The following CAMK2D variants were observed in gnomAD, a reference collection of about 807,000 sequenced individuals.
CAMK2D encodes calcium/calmodulin-dependent protein kinase type II subunit delta.
Under a neutral mutation model 84.0 loss-of-function variants are expected in CAMK2D, and 37 were observed. The ratio of observed to expected loss-of-function variants is 0.44; its 90% CI spans 0.34 to 0.58. CAMK2D has a LOEUF of 0.58. CAMK2D is among the 20% of genes least tolerant of loss of function. The probability of loss-of-function intolerance (pLI) is 0.02; values close to 1 mark genes in which losing one functional copy is unlikely to be tolerated. For missense variants in CAMK2D, 448 were observed against 652.5 expected, an observed-to-expected ratio of 0.69 and a Z score of 3.41; for synonymous variants, 202 against 212.5, an observed-to-expected ratio of 0.95 and a Z score of 0.43.
chr4:113,495,604 C>T (rs1051989362), intron 16 of CAMK2D, among the ~76,000 whole-genome samples: 1 of 152,138 alleles, frequency 6.6e-6, no homozygotes, highest in African/African-American at 2.4e-5. Context: ...CCACGATATC[C>T]AGGTCATCAA....
chr4:113,679,753 T>C (rs2099334736), intron 2 of CAMK2D, among the ~76,000 whole-genome samples: 1 of 152,214 alleles, frequency 6.6e-6, no homozygotes, highest in Non-Finnish European at 1.5e-5. Flanking sequence ...CAACTTACTT[T>C]ATCAGATCAA....
chr4:113,557,158 C>T (rs2098670589), intron 4 of CAMK2D, among the ~76,000 whole-genome samples: 4 of 152,166 alleles, frequency 2.6e-5, no homozygotes, highest in Admixed American at 2.6e-4. Flanking sequence ...TCTGCTATCT[C>T]TCACATGTAC....
chr4:113,509,514 C>G lies in CAMK2D; in HGVS notation c.984+124G>C, dbSNP rs76945655. The G allele has an allele frequency of 8.5e-3, 5,631 of 660,462 alleles. 37 individuals are homozygous for G. The highest frequency in any genetic ancestry group is 0.012 in the Middle Eastern group (30 of 2,402). The allele number at this position is 660,462 out of a possible 1,614,324, so 40.9% of individuals were successfully genotyped here. ...ATATTAAATCATTTCATATTTCAACCTGCAACCTTTATCAGAAACAATAAA... is the reference window on the plus strand; with the variant it reads ...ATATTAAATCATTTCATATTTCAACGTGCAACCTTTATCAGAAACAATAAA... On this transcript the variant is annotated intron_variant, in intron 13 of 20. Transcript: ENST00000511664.
At chr4:113,577,279 A>G (rs138766618) in intron 4 of CAMK2D, among the ~76,000 whole-genome samples, 4 of 152,230 alleles carry the variant, frequency 2.6e-5, no homozygotes, top group Non-Finnish European at 5.9e-5. Flanking sequence ...ATTTCCTGGA[A>G]TATGTTGTGT....
At chr4:113,559,009 ATTAAT>A (rs773292208) in intron 4 of CAMK2D, among the ~76,000 whole-genome samples, 7 of 152,138 alleles carry the variant, frequency 4.6e-5, no homozygotes, top group African/African-American at 7.2e-5. Flanking sequence ...AAAATCGAAT[ATTAAT>A]TTAAAGAGGT....
At chr4:113,728,002 T>G (rs2099551378) in intron 2 of CAMK2D, among the ~76,000 whole-genome samples, 1 of 152,138 alleles carries the variant, frequency 6.6e-6, no homozygotes, top group South Asian at 2.1e-4. Flanking sequence ...AAACAAAGAC[T>G]GACAATACCA....
intron 2 of CAMK2D, among the ~76,000 whole-genome samples, chr4:113,689,273 G>A (rs1048926969): frequency 6.6e-6 from 1 of 151,906 alleles, no homozygotes; most frequent in Non-Finnish European, 1.5e-5. Context: ...GGATAAATTA[G>A]AACAAAAAAG....
intron 16 of CAMK2D, among the ~76,000 whole-genome samples, chr4:113,500,191 T>A (rs975329449): frequency 2.6e-5 from 4 of 152,146 alleles, no homozygotes; most frequent in African/African-American, 9.7e-5. Flanking sequence ...AACTAGTAAC[T>A]CATTATTAGT....
chr4:113,655,054 C>T (rs1377211259), intron 3 of CAMK2D, among the ~76,000 whole-genome samples: 4 of 151,890 alleles, frequency 2.6e-5, no homozygotes, highest in Non-Finnish European at 4.4e-5. Flanking sequence ...TTAAATTAAT[C>T]GTCTTACAAA....
chr4:113,750,516 A>G (rs919752905), intron 2 of CAMK2D, among the ~76,000 whole-genome samples: 5 of 152,130 alleles, frequency 3.3e-5, no homozygotes, highest in African/African-American at 7.2e-5. Context: ...CACTAACTCT[A>G]CTAAATGCCA....
At chr4:113,512,502 G>A (rs1037888841) in intron 12 of CAMK2D, among the ~76,000 whole-genome samples, 6 of 152,160 alleles carry the variant, frequency 3.9e-5, no homozygotes, top group African/African-American at 1.4e-4. Flanking sequence ...CACTTTTATA[G>A]TACACCAAGA....
intron 16 of CAMK2D, among the ~76,000 whole-genome samples, chr4:113,469,046 A>G (rs2097513980): frequency 6.6e-6 from 1 of 152,198 alleles, no homozygotes; most frequent in Non-Finnish European, 1.5e-5. Flanking sequence ...TTTCCATGCA[A>G]TTATGCACAA....
intron 3 of CAMK2D, among the ~76,000 whole-genome samples, chr4:113,642,831 T>C (rs1410800296): frequency 1.3e-5 from 2 of 152,072 alleles, no homozygotes; most frequent in African/African-American, 2.4e-5. Flanking sequence ...AAGCCTCCCA[T>C]TAGGCCCCCT....
intron 3 of CAMK2D, among the ~76,000 whole-genome samples, chr4:113,640,173 T>C (rs764468222): frequency 1.1e-4 from 16 of 151,896 alleles, no homozygotes; most frequent in Non-Finnish European, 1.8e-4. Context: ...CAAGTTCCAT[T>C]TTATGCACAG....
intron 12 of CAMK2D, 129 bp downstream of exon 12, chr4:113,513,197 CCA>C: frequency 6.7e-7 from 1 of 1,500,412 alleles, no homozygotes; most frequent in Non-Finnish European, 8.9e-7. Context: ...GGAATCTGTG[CCA>C]CACATTTGCC....
chr4:113,652,045 T>A (rs2099175225), intron 3 of CAMK2D, among the ~76,000 whole-genome samples: 1 of 152,216 alleles, frequency 6.6e-6, no homozygotes. Context: ...TATAAAATTT[T>A]AAAATTATTT....
intron 15 of CAMK2D, among the ~76,000 whole-genome samples, 178 bp from the exon 16 acceptor site, chr4:113,500,689 C>A (rs1283378831): frequency 6.6e-6 from 1 of 152,086 alleles, no homozygotes; most frequent in South Asian, 2.1e-4. Flanking sequence ...ATGTCTGATG[C>A]TGCAAACATT....
intron 16 of CAMK2D, among the ~76,000 whole-genome samples, chr4:113,484,308 T>C (rs2097740662): frequency 6.6e-6 from 1 of 152,150 alleles, no homozygotes; most frequent in Admixed American, 6.5e-5. Context: ...AGTCCAGGAA[T>C]AGCTTTAAAA....
intron 2 of CAMK2D, among the ~76,000 whole-genome samples, chr4:113,726,177 T>A (rs1049648750): frequency 1.2e-4 from 19 of 152,268 alleles, no homozygotes; most frequent in African/African-American, 4.6e-4. Context: ...ACATATTATA[T>A]TACTCCTCCA....
Sources: allele counts gnomAD v4.1 joint callset (sites outside exome capture counted in the v4.1 genomes callset), GRCh38; gene constraint gnomAD v4.1.1; transcripts MANE v1.5; gene names NCBI Gene and HGNC (gene_info 2026-07-23, HGNC 2026-07-21).